The following ADGRL2 variants were observed in gnomAD, a reference collection of about 807,000 sequenced individuals.
ADGRL2 encodes adhesion G protein-coupled receptor L2, also known as calcium-independent alpha-latrotoxin receptor 2.
In ADGRL2, 44 loss-of-function variants were observed where a neutral mutation model predicts 157.4. The ratio of observed to expected loss-of-function variants is 0.28; its 90% CI spans 0.22 to 0.36. ADGRL2 has a LOEUF of 0.36. Among genes scored for constraint, ADGRL2 ranks in the 10% least tolerant of loss-of-function variants. The probability of loss-of-function intolerance (pLI) is 1.00; values close to 1 mark genes in which losing one functional copy is unlikely to be tolerated. For missense variants in ADGRL2, 1,510 were observed against 1,768.9 expected, an observed-to-expected ratio of 0.85 and a Z score of 2.63; for synonymous variants, 585 against 624.7, an observed-to-expected ratio of 0.94 and a Z score of 0.95.
At chr1:81,342,210 A>G (rs1474480260) in intron 1 of ADGRL2, among the ~76,000 whole-genome samples, 8 of 152,222 alleles carry the variant, frequency 5.3e-5, no homozygotes, top group Non-Finnish European at 1.2e-4. Flanking sequence ...CCTTGGTAAG[A>G]TTATTGTCAT....
In ADGRL2 at chr1:81,986,990, G is replaced by T. The variant is rs1373580693; in HGVS notation, c.3598G>T (p.Val1200Leu). The change falls in exon 22 of 24, where the codon GTA becomes TTA. Residue 1200 changes from valine to leucine, a missense_variant. This residue lies in a region of ADGRL2 where 497 missense variants were observed against 627.2 expected (regional missense o/e 0.79). Transcript: ENST00000686636. ...TAACACATTGCTCGCTGAAACAGTTGTATGTAATGCCCCTTCAGCTCCTGT... is the reference window on the plus strand; with the variant it reads ...TAACACATTGCTCGCTGAAACAGTTTTATGTAATGCCCCTTCAGCTCCTGT... Reference protein sequence around the residue: ...PYNTLLAETVVCNAPSAPVFN... With the variant: ...PYNTLLAETVLCNAPSAPVFN... 2.7e-5 allele frequency: 43 copies of T among 1,611,320 alleles called. 1 individual carries two copies. Among genetic ancestry groups the T allele is most frequent in the Non-Finnish European group, 3.3e-5 (39 of 1,179,176 alleles).
At chr1:81,556,163 C>A (rs547102700) in intron 2 of ADGRL2, among the ~76,000 whole-genome samples, 2 of 152,144 alleles carry the variant, frequency 1.3e-5, no homozygotes, top group East Asian at 3.9e-4. Context: ...GGAAGCATTA[C>A]AAATATTGTA....
chr1:81,789,170 T>G (rs961798782), intron 2 of ADGRL2, among the ~76,000 whole-genome samples: 1 of 152,194 alleles, frequency 6.6e-6, no homozygotes, highest in African/African-American at 2.4e-5. Flanking sequence ...CACAGCAGTT[T>G]GAGACCTCTA....
At chr1:81,313,874 T>C (rs554630873) in intron 1 of ADGRL2, among the ~76,000 whole-genome samples, 1 of 152,334 alleles carries the variant, frequency 6.6e-6, no homozygotes, top group Non-Finnish European at 1.5e-5. Flanking sequence ...TCATCATTGC[T>C]TCATGTATGT....
chr1:81,671,342 T>TA (rs1211676206), intron 3 of ADGRL2, among the ~76,000 whole-genome samples: 2 of 152,146 alleles, frequency 1.3e-5, no homozygotes, highest in African/African-American at 4.8e-5. Flanking sequence ...AGGAGATTCA[T>TA]AAAGATTTTA....
chr1:81,453,912 AG>A (rs1299420254), intron 2 of ADGRL2, among the ~76,000 whole-genome samples: 2 of 152,242 alleles, frequency 1.3e-5, no homozygotes. Context: ...CAGTTTTGGA[AG>A]GAAAAAAAAT....
chr1:81,874,665 CTGTCCTGTCA>C (rs2093788193), intron 2 of ADGRL2, among the ~76,000 whole-genome samples: 2 of 150,494 alleles, frequency 1.3e-5, no homozygotes, highest in African/African-American at 2.5e-5. Context: ...CTGTCCTGTC[CTGTCCTGTCA>C]TGTCTTGCCT....
chr1:81,318,723 G>GA (rs1333956508), intron 1 of ADGRL2, among the ~76,000 whole-genome samples: 6 of 151,730 alleles, frequency 4.0e-5, no homozygotes, highest in Non-Finnish European at 7.4e-5. Context: ...ATTTATTTTG[G>GA]AAAAATGTTT....
chr1:81,839,914 C>T, intron 2 of ADGRL2, among the ~76,000 whole-genome samples: 1 of 126,342 alleles, frequency 7.9e-6, no homozygotes, highest in Admixed American at 8.3e-5. Flanking sequence ...TATTTTCCAT[C>T]ATATATATAT....
At chr1:81,485,812 C>G (rs1432565926) in intron 2 of ADGRL2, among the ~76,000 whole-genome samples, 1 of 151,930 alleles carries the variant, frequency 6.6e-6, no homozygotes, top group Non-Finnish European at 1.5e-5. Flanking sequence ...CAGTCTGATT[C>G]ACTTATCAAT....
chr1:81,622,291 CG>C (rs1447541421), intron 3 of ADGRL2, among the ~76,000 whole-genome samples: 1 of 152,052 alleles, frequency 6.6e-6, no homozygotes, highest in Admixed American at 6.6e-5. Flanking sequence ...TTAAAACCTA[CG>C]TTTTTTTTGG....
At chr1:81,962,539 T>A (rs1429316165) in intron 11 of ADGRL2, among the ~76,000 whole-genome samples, 2 of 152,186 alleles carry the variant, frequency 1.3e-5, no homozygotes, top group Admixed American at 1.3e-4. Context: ...GTATCTTGTT[T>A]AAGAAATATT....
intron 2 of ADGRL2, among the ~76,000 whole-genome samples, chr1:81,470,762 A>G (rs914547278): frequency 3.9e-5 from 6 of 152,250 alleles, no homozygotes; most frequent in African/African-American, 1.4e-4. Flanking sequence ...AACGTGCAGC[A>G]GGAATAATTG....
chr1:81,886,322 C>T (rs763866090), intron 2 of ADGRL2, among the ~76,000 whole-genome samples: 2 of 152,078 alleles, frequency 1.3e-5, no homozygotes, highest in Admixed American at 6.6e-5. Context: ...CAGGCATGCA[C>T]CACCACACCC....
At chr1:81,406,196 T>C (rs1039290762) in intron 1 of ADGRL2, among the ~76,000 whole-genome samples, 2 of 152,214 alleles carry the variant, frequency 1.3e-5, no homozygotes, top group Admixed American at 6.5e-5. Flanking sequence ...CATGAAATTT[T>C]TTTTTATCAG....
intron 6 of ADGRL2, among the ~76,000 whole-genome samples, chr1:81,944,196 T>C (rs1030801886): frequency 5.9e-5 from 9 of 152,046 alleles, no homozygotes; most frequent in Admixed American, 2.0e-4. Flanking sequence ...GCCAGATATA[T>C]GCGTTCTAAA....
At chr1:81,953,384 G>T (rs1439204548) in intron 10 of ADGRL2, among the ~76,000 whole-genome samples, 1 of 151,986 alleles carries the variant, frequency 6.6e-6, no homozygotes, top group African/African-American at 2.4e-5. Context: ...TCATATCAAA[G>T]ACTGTATAGT....
At chr1:81,850,733 C>G (rs1395988797) in intron 2 of ADGRL2, among the ~76,000 whole-genome samples, 1 of 151,832 alleles carries the variant, frequency 6.6e-6, no homozygotes, top group Non-Finnish European at 1.5e-5. Flanking sequence ...TTATTGAACA[C>G]TGGAAATGTG....
At chr1:81,675,064 G>C (rs2082958076) in intron 3 of ADGRL2, among the ~76,000 whole-genome samples, 1 of 152,060 alleles carries the variant, frequency 6.6e-6, no homozygotes, top group South Asian at 2.1e-4. Context: ...TCAGTACAAA[G>C]GCAAAAGAAG....
Sources: allele counts gnomAD v4.1 joint callset (sites outside exome capture counted in the v4.1 genomes callset), GRCh38; gene constraint gnomAD v4.1.1; regional missense constraint gnomAD v4.1.1; transcripts MANE v1.5; gene names NCBI Gene and HGNC (gene_info 2026-07-23, HGNC 2026-07-21).